SLC14A2: variants seen among roughly 807,000 people sequenced by gnomAD.
The protein encoded by SLC14A2 is urea transporter 2.
Under a neutral mutation model 104.6 loss-of-function variants are expected in SLC14A2, and 91 were observed. That is an observed-to-expected ratio of 0.87 (90% CI 0.73 to 1.04). The LOEUF is 1.04. Ranked by LOEUF, SLC14A2 falls within the 50% of genes least tolerant of loss-of-function variation. The probability of loss-of-function intolerance (pLI) is 0.00; values close to 1 mark genes in which losing one functional copy is unlikely to be tolerated. For missense variants in SLC14A2, 1,189 were observed against 1,156.0 expected (o/e 1.03, Z -0.41); for synonymous variants, 476 against 466.4 (o/e 1.02, Z -0.27).
chr18:45,330,480 G>C (rs1186416041), intron 1 of SLC14A2, among the ~76,000 whole-genome samples: 1 of 152,224 alleles, frequency 6.6e-6, no homozygotes, highest in Non-Finnish European at 1.5e-5. Context: ...ATGGTTGCCA[G>C]AGGCTGAGGA....
At chr18:45,519,399 C>T (rs1266139687) in intron 2 of SLC14A2, among the ~76,000 whole-genome samples, 1 of 152,174 alleles carries the variant, frequency 6.6e-6, no homozygotes, top group Non-Finnish European at 1.5e-5. Flanking sequence ...AGGCATGACC[C>T]TCAGGGGAAA....
Position 45,676,308 on chromosome 18 carries a change from C to T in SLC14A2, c.2512+2491C>T, listed in dbSNP as rs904438917. ...CCACATAGGATCGGAGCAGGTGGCC[C>T]GGTGGGGAGGTGGCTGCGTCCAGAC... On this transcript the variant is annotated intron_variant, in intron 18 of 19. Transcript: ENST00000255226. Among the ~76,000 whole-genome samples the T allele has an allele frequency of 9.9e-5, 15 of 152,080 alleles. No homozygotes were observed. In the South Asian group the frequency reaches 1.5e-3, roughly 15 times the overall value.
At chr18:45,377,033 C>T (rs1389075207) in intron 1 of SLC14A2, among the ~76,000 whole-genome samples, 2 of 152,162 alleles carry the variant, frequency 1.3e-5, no homozygotes, top group Non-Finnish European at 2.9e-5. Context: ...ACATCACTGC[C>T]CCCATGCCTG....
chr18:45,173,325 G>C, the SLC14A2 span, among the ~76,000 whole-genome samples: 1 of 152,108 alleles, frequency 6.6e-6, no homozygotes, highest in South Asian at 2.1e-4. Flanking sequence ...CAACATGAAT[G>C]AGACATCATA....
intron 2 of SLC14A2, among the ~76,000 whole-genome samples, chr18:45,607,385 T>C (rs1395289500): frequency 1.3e-5 from 2 of 152,230 alleles, no homozygotes; most frequent in Non-Finnish European, 2.9e-5. Flanking sequence ...TATAGGCAAG[T>C]GCTCTCTACA....
intron 1 of SLC14A2, among the ~76,000 whole-genome samples, chr18:45,255,509 T>G (rs1407871850): frequency 6.6e-6 from 1 of 152,190 alleles, no homozygotes; most frequent in Non-Finnish European, 1.5e-5. Flanking sequence ...AGACAAATAG[T>G]CAATTTGCTT....
intron 1 of SLC14A2, among the ~76,000 whole-genome samples, chr18:45,623,296 G>A (rs1394008390): frequency 6.6e-6 from 1 of 152,214 alleles, no homozygotes. Context: ...CACTGGAGAT[G>A]AGAAGGACAA....
rs756317299 is a variant in SLC14A2, at chr18:45,627,151, G to A, written c.521+4G>A. The A allele has an allele frequency of 2.5e-6, 4 of 1,613,296 alleles. No individual in the cohort carries two copies. The highest frequency in any genetic ancestry group is 3.4e-6 in the Non-Finnish European group (4 of 1,179,310). On this transcript the variant is annotated splice_donor_region_variant and intron_variant, in intron 4 of 19. Coordinates refer to ENST00000255226, the MANE Select transcript of SLC14A2 (RefSeq NM_007163.4). ...CTCTCGCCTTGGGCCAAGACAGGTG[G>A]GTCCCTCTCTATAGGGATTTTAGCA... is the stretch of plus-strand genomic sequence containing the variant.
chr18:45,568,263 G>A (rs1220647494), intron 2 of SLC14A2, among the ~76,000 whole-genome samples: 1 of 152,196 alleles, frequency 6.6e-6, no homozygotes, highest in Admixed American at 6.5e-5. Context: ...CATGGCCTAT[G>A]GCCTGCAGGA....
chr18:45,668,197 C>T, intron 14 of SLC14A2, 152 bp from the exon 15 acceptor site: 1 of 1,155,566 alleles, frequency 8.7e-7, no homozygotes, highest in Non-Finnish European at 1.2e-6. Flanking sequence ...ATGAAGGATT[C>T]ATAGGGTTGT....
rs1312610719 is a variant in SLC14A2, at chr18:45,214,300, T to TTCC, written c.-125+1118_-125+1120dup. On this transcript the variant is annotated intron_variant, in intron 1 of 20. Coordinates refer to the SLC14A2 transcript ENST00000586448. ...CAACAGTTGAATGCTCAAGTTTGCCTTCCTCCTCCTCTGTTTAAGGGGCAA... is the reference window on the plus strand; with the variant it reads ...CAACAGTTGAATGCTCAAGTTTGCCTTCCTCCTCCTCCTCTGTTTAAGGGGCAA... 1.1e-4 allele frequency among the ~76,000 whole-genome samples: 17 copies of TTCC among 152,332 alleles called. 1 individual carries two copies. The East Asian group carries it at 3.3e-3, about 29-fold the overall frequency.
At chr18:45,404,729 C>T (rs1205473387) in intron 1 of SLC14A2, among the ~76,000 whole-genome samples, 1 of 152,186 alleles carries the variant, frequency 6.6e-6, no homozygotes, top group Non-Finnish European at 1.5e-5. Context: ...TCCACTTGAT[C>T]TGGTCACTGA....
chr18:45,614,591 T>G (rs1326415189), upstream of SLC14A2, among the ~76,000 whole-genome samples: 1 of 152,206 alleles, frequency 6.6e-6, no homozygotes, highest in Non-Finnish European at 1.5e-5. Context: ...GGAGCCCACC[T>G]CTTGCATCAG....
chr18:45,216,563 C>A (rs1391238549), intron 1 of SLC14A2, among the ~76,000 whole-genome samples: 1 of 152,060 alleles, frequency 6.6e-6, no homozygotes, highest in Admixed American at 6.6e-5. Flanking sequence ...CTCATCTAAC[C>A]CAGTGTTACA....
chr18:45,344,928 G>C (rs1019453495), intron 1 of SLC14A2, among the ~76,000 whole-genome samples: 3 of 152,168 alleles, frequency 2.0e-5, no homozygotes, highest in African/African-American at 7.2e-5. Context: ...AGCTGTGCTG[G>C]TCCTGCCATC....
chr18:45,390,820 A>T (rs1352132144), intron 1 of SLC14A2, among the ~76,000 whole-genome samples: 2 of 152,184 alleles, frequency 1.3e-5, no homozygotes. Flanking sequence ...GAGACACTCA[A>T]TATTGTTGTT....
At chr18:45,379,924 C>T (rs1476717303) in intron 1 of SLC14A2, among the ~76,000 whole-genome samples, 2 of 152,182 alleles carry the variant, frequency 1.3e-5, no homozygotes, top group Admixed American at 6.5e-5. Flanking sequence ...AAATCACTTT[C>T]CATCCCACCT....
chr18:45,578,169 C>CTT (rs2044440263), intron 2 of SLC14A2, among the ~76,000 whole-genome samples: 1 of 152,198 alleles, frequency 6.6e-6, no homozygotes, highest in Non-Finnish European at 1.5e-5. Context: ...TTGGAGTTCA[C>CTT]TTTCTCCAGG....
At chr18:45,586,846 T>A (rs1169260491) in intron 2 of SLC14A2, among the ~76,000 whole-genome samples, 1 of 151,646 alleles carries the variant, frequency 6.6e-6, no homozygotes, top group East Asian at 1.9e-4. Context: ...AGAGGGGGAG[T>A]CTTGGGGGTA....
Sources: allele counts gnomAD v4.1 joint callset (sites outside exome capture counted in the v4.1 genomes callset), GRCh38; gene constraint gnomAD v4.1.1; transcripts MANE v1.5; gene names NCBI Gene and HGNC (gene_info 2026-07-23, HGNC 2026-07-21).